PTPN4: variants seen among roughly 807,000 people sequenced by gnomAD.
PTPN4 encodes protein tyrosine phosphatase non-receptor type 4, also known as tyrosine-protein phosphatase non-receptor type 4.
PTPN4 carries 49 observed loss-of-function variants against 135.5 expected under a neutral mutation model. That is an observed-to-expected ratio of 0.36 (90% CI 0.29 to 0.46). The LOEUF is 0.46. Among genes scored for constraint, PTPN4 ranks in the 20% least tolerant of loss-of-function variants. PTPN4 has a pLI of 1.00. For missense variants in PTPN4, 860 were observed against 1,101.0 expected (o/e 0.78, Z 3.10); for synonymous variants, 333 against 369.9 (o/e 0.90, Z 1.14).
At chr2:119,844,662 G>C (rs1301872942) in intron 2 of PTPN4, among the ~76,000 whole-genome samples, 4 of 151,318 alleles carry the variant, frequency 2.6e-5, no homozygotes, top group African/African-American at 9.7e-5. Context: ...ATGGGCGGCC[G>C]GGCAGAGATG....
intron 1 of PTPN4, among the ~76,000 whole-genome samples, chr2:119,776,234 G>C (rs933307729): frequency 6.6e-6 from 1 of 152,114 alleles, no homozygotes; most frequent in African/African-American, 2.4e-5. Flanking sequence ...GGAGTGCAGT[G>C]GTGCAATCTT....
chr2:119,913,867 C>T (rs189994526), intron 10 of PTPN4, among the ~76,000 whole-genome samples: 71 of 151,870 alleles, frequency 4.7e-4, no homozygotes, highest in Non-Finnish European at 7.1e-4. Context: ...GCCAAAAAAA[C>T]GGTTATGGCT....
intron 10 of PTPN4, 35 bp from the exon 11 acceptor site, chr2:119,915,144 T>G: frequency 2.8e-6 from 4 of 1,452,696 alleles, no homozygotes; most frequent in Non-Finnish European, 3.7e-6. Context: ...TTATCATTAT[T>G]CAATACTTTG....
chr2:119,907,888 A>G (rs1678512870), intron 10 of PTPN4, among the ~76,000 whole-genome samples: 1 of 152,172 alleles, frequency 6.6e-6, no homozygotes, highest in South Asian at 2.1e-4. Flanking sequence ...TACTGAGAAA[A>G]CTGGGTATCT....
chr2:119,854,414 C>T (rs888661115), intron 2 of PTPN4, among the ~76,000 whole-genome samples: 4 of 152,132 alleles, frequency 2.6e-5, no homozygotes, highest in African/African-American at 9.7e-5. Flanking sequence ...ACCCTATCTG[C>T]GTAAAATAAT....
chr2:119,833,979 AC>A (rs915520099), intron 2 of PTPN4, among the ~76,000 whole-genome samples: 6 of 152,026 alleles, frequency 3.9e-5, no homozygotes, highest in African/African-American at 1.4e-4. Flanking sequence ...TTTGTGATAA[AC>A]CCGAATTGCT....
intron 1 of PTPN4, among the ~76,000 whole-genome samples, chr2:119,780,685 A>T (rs1419029795): frequency 6.6e-6 from 1 of 152,256 alleles, no homozygotes; most frequent in African/African-American, 2.4e-5. Flanking sequence ...ATATGACATC[A>T]GGGTGTCTAT....
At chr2:119,829,526 C>T (rs565688449) in intron 2 of PTPN4, among the ~76,000 whole-genome samples, 1 of 152,110 alleles carries the variant, frequency 6.6e-6, no homozygotes, top group East Asian at 1.9e-4. Context: ...CTTTGTTTCT[C>T]TATGAATTTA....
rs1292025366 is a variant in PTPN4 at position 119,920,193 on chromosome 2, A to G, written c.953A>G (p.Lys318Arg). The change falls in exon 12 of 27, where the codon AAG becomes AGG. Residue 318 changes from lysine (K) to arginine (R), a missense_variant. By Grantham distance (26) the Lys-to-Arg change is conservative (BLOSUM62 2). This residue lies in a region of PTPN4 where 684 missense variants were observed against 807.0 expected (regional missense o/e 0.85). Transcript: ENST00000263708. ...FRLDRPLPPQ[K>R]NFFAHYFTLG... ...TTGGACAGACCACTTCCACCTCAAA[A>G]GAATTTTTTTGCACATTATTTTACA... The G allele has an allele frequency of 2.5e-6, 4 of 1,613,390 alleles. No individual in the cohort carries two copies. The highest frequency in any genetic ancestry group is 3.4e-6 in the Non-Finnish European group (4 of 1,179,692).
At chr2:119,944,837 A>T (rs1201655117) in intron 15 of PTPN4, among the ~76,000 whole-genome samples, 1 of 152,138 alleles carries the variant, frequency 6.6e-6, no homozygotes, top group African/African-American at 2.4e-5. Flanking sequence ...TAATAGATTA[A>T]TAGGTATCTT....
At chr2:119,775,820 TA>T (rs1690825385) in intron 1 of PTPN4, among the ~76,000 whole-genome samples, 1 of 151,360 alleles carries the variant, frequency 6.6e-6, no homozygotes, top group East Asian at 1.9e-4. Context: ...TATCTATATC[TA>T]TATCTATATC....
chr2:119,932,581 G>T, intron 14 of PTPN4, 32 bp downstream of exon 14: 1 of 1,546,604 alleles, frequency 6.5e-7, no homozygotes, highest in South Asian at 1.2e-5. Flanking sequence ...AACATCAGGT[G>T]TGAATTTTGC....
chr2:119,872,203 T>C (rs1466770818), intron 3 of PTPN4, among the ~76,000 whole-genome samples: 11 of 152,224 alleles, frequency 7.2e-5, no homozygotes, highest in Admixed American at 7.2e-4. Flanking sequence ...ACCTTTTCTT[T>C]CTACTGTTTT....
At chr2:119,834,141 A>C (rs1677258380) in intron 2 of PTPN4, among the ~76,000 whole-genome samples, 2 of 152,196 alleles carry the variant, frequency 1.3e-5, no homozygotes, top group Admixed American at 6.5e-5. Flanking sequence ...AGTATCCATC[A>C]CCTTGAGTAT....
At chr2:119,915,108 C>T (rs1213902676) in intron 10 of PTPN4, 71 bp from the exon 11 acceptor site, 9 of 1,272,182 alleles carry the variant, frequency 7.1e-6, no homozygotes, top group African/African-American at 3.2e-5. Flanking sequence ...ACACTTAAAA[C>T]ATTTTTTCAT....
intron 9 of PTPN4, among the ~76,000 whole-genome samples, chr2:119,889,025 AG>A (rs1205768487): frequency 6.6e-6 from 1 of 152,066 alleles, no homozygotes; most frequent in Non-Finnish European, 1.5e-5. Context: ...TGGTCTCTTC[AG>A]GTTTTCTATT....
intron 10 of PTPN4, among the ~76,000 whole-genome samples, chr2:119,911,435 T>G (rs1000838442): frequency 6.6e-6 from 1 of 151,974 alleles, no homozygotes; most frequent in Non-Finnish European, 1.5e-5. Context: ...AAAAAGAATT[T>G]GACAAAATTG....
At chr2:119,836,792 G>A (rs1036887082) in intron 2 of PTPN4, among the ~76,000 whole-genome samples, 23 of 152,218 alleles carry the variant, frequency 1.5e-4, no homozygotes, top group Non-Finnish European at 2.9e-4. Flanking sequence ...GTGCTGTGGC[G>A]ACCTAGCTGG....
Position 119,952,028 on chromosome 2 carries a change from G to A in PTPN4, c.1712G>A (p.Gly571Asp), listed in dbSNP as rs1441053985. 6.2e-7 allele frequency: 1 copy of A among 1,613,292 alleles called. No homozygotes were observed. Among genetic ancestry groups the A allele is most frequent in the South Asian group, 1.1e-5 (1 of 91,070 alleles). The change falls in exon 19 of 27, where the codon GGT becomes GAT. Residue 571 changes from glycine (G) to aspartate (D), a missense_variant. Physicochemically the swap from Gly to Asp is moderately conservative, Grantham distance 94 (BLOSUM62 -1). This residue lies in a region of PTPN4 where 684 missense variants were observed against 807.0 expected (regional missense o/e 0.85). Transcript: ENST00000263708. ...GGGGACCAAGTTGTACTGATCAATGGTCGGGACATTGCAGAACACACTCAT... is the reference window on the plus strand; with the variant it reads ...GGGGACCAAGTTGTACTGATCAATGATCGGGACATTGCAGAACACACTCAT... The part of the protein sequence containing the change: ...NEGDQVVLIN[G>D]RDIAEHTHDQ...
Sources: allele counts gnomAD v4.1 joint callset (sites outside exome capture counted in the v4.1 genomes callset), GRCh38; gene constraint gnomAD v4.1.1; regional missense constraint gnomAD v4.1.1; transcripts MANE v1.5; gene names NCBI Gene and HGNC (gene_info 2026-07-23, HGNC 2026-07-21).